Variants in AP2A2 observed in about 807,000 individuals in gnomAD.
The protein encoded by AP2A2 is AP-2 complex subunit alpha-2.
Under a neutral mutation model 104.2 loss-of-function variants are expected in AP2A2, and 32 were observed. That is an observed-to-expected ratio of 0.31 (90% CI 0.23 to 0.41). The LOEUF (loss-of-function observed/expected upper bound fraction) is 0.41. AP2A2 is among the 10% of genes least tolerant of loss of function. AP2A2 has a pLI of 1.00. For missense variants in AP2A2, 912 were observed against 1,261.0 expected, an observed-to-expected ratio of 0.72 and a Z score of 4.19; for synonymous variants, 539 against 533.3, an observed-to-expected ratio of 1.01 and a Z score of -0.15.
In AP2A2 at chr11:1,000,028, G is replaced by A. The variant is rs561110574; in HGVS notation, c.1957-404G>A. On this transcript the variant is annotated intron_variant, in intron 14 of 21. Transcript: ENST00000448903. ...TCACCGTGTTAGCCAGGGTGGTCTC[G>A]ATCTCCTGACCTCGTGATCCGCCCA... 6.6e-5 allele frequency among the ~76,000 whole-genome samples: 10 copies of A among 151,510 alleles called. No individual in the cohort carries two copies. The East Asian group carries it at 7.8e-4, about 12-fold the overall frequency.
chr11:993,395 T>C lies in AP2A2; in HGVS notation c.1550+14T>C, dbSNP rs1855727536. On this transcript the variant is annotated intron_variant, in intron 12 of 21. Coordinates refer to ENST00000448903, the MANE Select transcript of AP2A2 (RefSeq NM_012305.4). The surrounding 1 kb of genome is among the most constrained non-coding windows in gnomAD (Gnocchi z 8.2). ...CCCGAGATCCAGGTGAGAGGCCCTT[T>C]GCGAGTCGGGGCTGTGTGCGCTCCG... The C allele has an allele frequency of 6.3e-7, 1 of 1,597,952 alleles. No homozygotes were observed. The highest frequency in any genetic ancestry group is 1.7e-5 in the Admixed American group (1 of 57,328).
chr11:949,657 C>T (rs1853972012), intron 1 of AP2A2, among the ~76,000 whole-genome samples: 1 of 152,004 alleles, frequency 6.6e-6, no homozygotes, highest in African/African-American at 2.4e-5. Flanking sequence ...TGCCTATAGT[C>T]CCAGCTACTC....
At chr11:996,955 G>C (rs1445586386) in intron 14 of AP2A2, among the ~76,000 whole-genome samples, 2 of 152,082 alleles carry the variant, frequency 1.3e-5, no homozygotes, top group African/African-American at 2.4e-5. Flanking sequence ...CGAGAGCTAT[G>C]GTGTGTGGGT....
chr11:983,573 T>TG (rs1363467209), intron 6 of AP2A2, among the ~76,000 whole-genome samples: 1 of 151,772 alleles, frequency 6.6e-6, no homozygotes, highest in African/African-American at 2.4e-5. Context: ...TTAGTAGAGA[T>TG]GGGGTTTCAC....
At position 937,346 on chromosome 11, in the gene AP2A2, G is replaced by A. The variant is rs73408945; in HGVS notation, c.67+11258G>A. ...ATTGTTATTTACCACTGACCACAGC[G>A]CAACACCATTGTCCGTCTCCAGAAA... is the stretch of plus-strand genomic sequence containing the variant. On this transcript the variant is annotated intron_variant, in intron 1 of 21. Transcript: ENST00000448903. Among the ~76,000 whole-genome samples the A allele has an allele frequency of 1.6e-3, 243 of 152,160 alleles. 1 individual carries two copies. Among genetic ancestry groups the A allele is most frequent in the Middle Eastern group, 0.01 (3 of 294 alleles).
At chr11:953,426 A>G (rs976687403) in intron 1 of AP2A2, among the ~76,000 whole-genome samples, 6 of 152,066 alleles carry the variant, frequency 3.9e-5, no homozygotes, top group Non-Finnish European at 5.9e-5. Context: ...CAGTCTCCCA[A>G]AGTGCTGGGA....
Position 968,784 on chromosome 11 carries a change from G to A in AP2A2, c.137-1385G>A, listed in dbSNP as rs568578751. On this transcript the variant is annotated intron_variant, in intron 2 of 21. Coordinates refer to ENST00000448903, the MANE Select transcript of AP2A2 (RefSeq NM_012305.4). This position sits in a 1 kb window ranked among gnomAD's most constrained non-coding sequence, Gnocchi z 4.2. ...GGCACAGCAAGCAGATAAGTGGGTC[G>A]GGGCCGGGGGAGGGAGGAACCAGGT... Among the ~76,000 whole-genome samples, 1 of 152,102 alleles carries A rather than the reference G, an allele frequency of 6.6e-6. No individual in the cohort carries two copies. The highest frequency in any genetic ancestry group is 2.4e-5 in the African/African-American group (1 of 41,508).
intron 1 of AP2A2, among the ~76,000 whole-genome samples, chr11:955,577 C>T (rs1039080485): frequency 1.3e-5 from 2 of 152,136 alleles, no homozygotes; most frequent in Non-Finnish European, 2.9e-5. Flanking sequence ...TGTTAAAGGT[C>T]CCCTGAGGGC....
At chr11:980,797 A>G (rs1370576077) in intron 5 of AP2A2, among the ~76,000 whole-genome samples, 1 of 152,236 alleles carries the variant, frequency 6.6e-6, no homozygotes, top group Non-Finnish European at 1.5e-5. Context: ...ATCAGTGTAA[A>G]GGTAGCGTCT....
At chr11:930,569 G>A (rs1853258128) in intron 1 of AP2A2, among the ~76,000 whole-genome samples, 1 of 151,562 alleles carries the variant, frequency 6.6e-6, no homozygotes, top group African/African-American at 2.4e-5. Context: ...CGCCCAGGCT[G>A]GAGTGCAGTG....
intron 1 of AP2A2, chr11:956,748 A>C (rs1373954056): frequency 6.6e-6 from 1 of 152,220 alleles, no homozygotes; most frequent in African/African-American, 2.4e-5. Flanking sequence ...TGATTGTCAC[A>C]CATCTAATGT....
intron 10 of AP2A2, among the ~76,000 whole-genome samples, chr11:991,758 A>T (rs984150504): frequency 8.1e-5 from 1 of 12,342 alleles, no homozygotes; most frequent in Non-Finnish European, 1.6e-4. Context: ...GGGTGTGGAG[A>T]GGGGGCGGCA....
chr11:996,559 G>C (rs566174880), intron 14 of AP2A2, among the ~76,000 whole-genome samples: 4 of 152,284 alleles, frequency 2.6e-5, no homozygotes, highest in Admixed American at 2.0e-4. Flanking sequence ...CTAGGCTCAG[G>C]GTGGACTTTG....
chr11:930,883 A>G (rs563495534), intron 1 of AP2A2, among the ~76,000 whole-genome samples: 9 of 152,188 alleles, frequency 5.9e-5, no homozygotes, highest in Non-Finnish European at 8.8e-5. Flanking sequence ...CAGGAAACAG[A>G]CACTGGTACA....
At chr11:932,585 G>C in intron 1 of AP2A2, 1 of 392,908 alleles carries the variant, frequency 2.5e-6, no homozygotes, top group South Asian at 1.9e-5. Flanking sequence ...TGCTCTCCTT[G>C]CATGTCTTCT....
intron 14 of AP2A2, chr11:996,367 G>T (rs1488064545): frequency 6.6e-6 from 1 of 152,322 alleles, no homozygotes; most frequent in African/African-American, 2.4e-5. Flanking sequence ...GGCACCAGGT[G>T]CTCTCGCTCC....
Position 992,555 on chromosome 11 carries a change from A to G in AP2A2, c.1322A>G (p.Tyr441Cys). The G allele has an allele frequency of 1.2e-6, 2 of 1,613,064 alleles. No homozygotes were observed. The highest frequency in any genetic ancestry group is 1.7e-6 in the Non-Finnish European group (2 of 1,179,544). The change falls in exon 11 of 22, where the codon TAT becomes TGT. Residue 441 changes from tyrosine to cysteine, a missense_variant. Transcript: ENST00000448903. The surrounding 1 kb of genome is among the most constrained non-coding windows in gnomAD (Gnocchi z 6.4). Reference sequence around the variant, plus strand: ...AAGTACGCGGTGGACTACACCTGGTATGTGGATACCATCTTGAACTTGATC... The same window carrying G: ...AAGTACGCGGTGGACTACACCTGGTGTGTGGATACCATCTTGAACTTGATC... ...AEKYAVDYTW[Y>C]VDTILNLIRI...
rs150723746 is a variant in AP2A2, at chr11:966,684, G to A, written c.137-3485G>A. ...AAGGAGTTCCCACCCTGCCCCCGAG[G>A]GTGTGAGCCTCATGCAGGCTGTGTG... On this transcript the variant is annotated intron_variant, in intron 2 of 21. Coordinates refer to ENST00000448903, the MANE Select transcript of AP2A2 (RefSeq NM_012305.4). Among the ~76,000 whole-genome samples the A allele has an allele frequency of 9.2e-5, 14 of 152,302 alleles. No individual in the cohort carries two copies. The East Asian group carries it at 2.1e-3, about 23-fold the overall frequency.
At chr11:965,458 T>G (rs1332709105) in intron 2 of AP2A2, among the ~76,000 whole-genome samples, 3 of 152,242 alleles carry the variant, frequency 2.0e-5, no homozygotes, top group Non-Finnish European at 2.9e-5. Context: ...CCTGTGATCT[T>G]TATCCTTTAA....
Sources: gnomAD v4.1 joint callset for allele counts (sites outside exome capture counted in the v4.1 genomes callset) on GRCh38, gnomAD v4.1.1 for gene constraint, Gnocchi (gnomAD v3.1) non-coding constraint, MANE v1.5 for transcripts, NCBI Gene and HGNC (gene_info 2026-07-23, HGNC 2026-07-21) for gene names.